GTF3C1: variants seen among roughly 807,000 people sequenced by gnomAD.
The protein encoded by GTF3C1 is general transcription factor IIIC subunit 1.
In GTF3C1, 57 loss-of-function variants were observed where a neutral mutation model predicts 226.7. The observed-to-expected ratio is 0.25, with a 90% CI of 0.20 to 0.31. GTF3C1 has a LOEUF of 0.31. GTF3C1 is among the 10% of genes least tolerant of loss of function. The pLI is 1.00. For synonymous variants in GTF3C1, 1,090 were observed against 1,084.8 expected, an observed-to-expected ratio of 1.00 and a Z score of -0.09; for missense variants, 2,217 against 2,776.1, an observed-to-expected ratio of 0.80 and a Z score of 4.53.
intron 6 of GTF3C1, among the ~76,000 whole-genome samples, chr16:27,513,210 T>C (rs1450948804): frequency 6.6e-6 from 1 of 152,144 alleles, no homozygotes; most frequent in Non-Finnish European, 1.5e-5. Flanking sequence ...CTCAGCACTT[T>C]GGGAGGCCAA....
chr16:27,467,434 T>C (rs2141344505), intron 32 of GTF3C1, among the ~76,000 whole-genome samples: 1 of 152,376 alleles, frequency 6.6e-6, no homozygotes, highest in East Asian at 1.9e-4. Context: ...GGTATGCTGA[T>C]TCATGATGCC....
rs777337572 is a variant in GTF3C1, at chr16:27,469,251, C to G, written c.5074+40G>C. Reference sequence around the variant, plus strand: ...GCCTCAGGGTCTTCCTGGATGATGGCGAGGCCAGGCCCTCCCACAGCACCA... The same window carrying G: ...GCCTCAGGGTCTTCCTGGATGATGGGGAGGCCAGGCCCTCCCACAGCACCA... On this transcript the variant is annotated intron_variant, in intron 32 of 36. Coordinates refer to ENST00000356183, the MANE Select transcript of GTF3C1 (RefSeq NM_001520.4). The surrounding 1 kb of genome is among the most constrained non-coding windows in gnomAD (Gnocchi z 4.5). 5.3e-6 allele frequency: 8 copies of G among 1,518,672 alleles called. No individual in the cohort carries two copies. The East Asian group carries it at 2.0e-4, about 37-fold the overall frequency. 94.1% of individuals were successfully genotyped at this position (1,518,672 alleles called of 1,614,324 possible). A position where few individuals can be genotyped will look rare whatever the true frequency, so the allele number is the denominator to read the frequency against.
chr16:27,495,741 C>T (rs1471228971), intron 14 of GTF3C1, among the ~76,000 whole-genome samples: 1 of 152,204 alleles, frequency 6.6e-6, no homozygotes, highest in East Asian at 1.9e-4. Context: ...TGCAATTCTA[C>T]AAAAGGAGAG....
intron 6 of GTF3C1, among the ~76,000 whole-genome samples, chr16:27,526,561 T>C (rs2088837044): frequency 6.6e-6 from 1 of 152,248 alleles, no homozygotes; most frequent in African/African-American, 2.4e-5. Flanking sequence ...AGGCACCCAG[T>C]ATCCCCAAGT....
rs923535355 is a variant in GTF3C1 at position 27,463,288 on chromosome 16, T to C, written c.5924+253A>G. 2.5e-5 allele frequency: 13 copies of C among 529,726 alleles called. No homozygotes were observed. Among genetic ancestry groups the C allele is most frequent in the Non-Finnish European group, 4.3e-5 (13 of 300,372 alleles). 32.8% of individuals were successfully genotyped at this position (529,726 alleles called of 1,614,324 possible). The stretch of plus-strand genomic sequence containing the variant: ...CACAGCTGACAGCACCAGGCATGGT[T>C]CTCCACCAGCGCCCTGGGCATTCTG... On this transcript the variant is annotated intron_variant, in intron 35 of 36. Coordinates refer to ENST00000356183, the MANE Select transcript of GTF3C1 (RefSeq NM_001520.4). This position sits in a 1 kb window ranked among gnomAD's most constrained non-coding sequence, Gnocchi z 4.9.
chr16:27,488,548 A>G lies in GTF3C1; in HGVS notation c.3511+6T>C, dbSNP rs2088179043. On this transcript the variant is annotated splice_donor_region_variant and intron_variant, in intron 22 of 36. Transcript: ENST00000356183. ...AACTTCTGGGGTGAACTCCCAGCAC[A>G]CGTACCTCTGGCACTGAGGGGCATT... The G allele has an allele frequency of 6.2e-7, 1 of 1,612,038 alleles. No homozygotes were observed. The highest frequency in any genetic ancestry group is 1.3e-5 in the African/African-American group (1 of 74,876).
intron 29 of GTF3C1, among the ~76,000 whole-genome samples, chr16:27,475,086 T>C (rs978945049): frequency 1.1e-4 from 16 of 152,184 alleles, no homozygotes; most frequent in African/African-American, 3.9e-4. Context: ...CCCCCAGTCC[T>C]CCCTGCCCCG....
rs200275527 is a variant in GTF3C1 at position 27,464,651 on chromosome 16, G to C, written c.5541C>G (p.Pro1847=). 5 of 1,516,946 alleles carry C rather than the reference G, an allele frequency of 3.3e-6. No homozygotes were observed. Among genetic ancestry groups the C allele is most frequent in the African/African-American group, 1.4e-5 (1 of 70,614 alleles). 94.0% of individuals were successfully genotyped at this position (1,516,946 alleles called of 1,614,324 possible). The change falls in exon 34 of 37, where the codon CCC becomes CCG. Residue 1847 remains proline, a synonymous_variant. Coordinates refer to ENST00000356183, the MANE Select transcript of GTF3C1 (RefSeq NM_001520.4). ...LEGSSSEDSP[P]EGQAPPSHSP... is the part of the protein sequence containing the mutation. ...TGTGAGAAGGAGGTGCCTGCCCCTC[G>C]GGGGGGCTGTCCTCACTGGAAGACC...
In GTF3C1 at chr16:27,471,761, G is replaced by GA. The variant is rs773535750; in HGVS notation, c.4512_4513insT (p.Gln1505SerfsTer36). 1 of 1,613,882 alleles carries GA rather than the reference G, an allele frequency of 6.2e-7. No homozygotes were observed. The highest frequency in any genetic ancestry group is 2.2e-5 in the East Asian group (1 of 44,890). On this transcript the variant is annotated frameshift_variant, in exon 30 of 37. Coordinates refer to ENST00000356183, the MANE Select transcript of GTF3C1 (RefSeq NM_001520.4). LOFTEE classifies it high-confidence loss of function. The surrounding 1 kb of genome is among the most constrained non-coding windows in gnomAD (Gnocchi z 5.0). ...ACAGGTACTCACCTGTAGTAGGTCT[G>GA]GGATAGCTGGTAGGACATTGGCACG...
In GTF3C1 at chr16:27,508,526, G is replaced by T. The variant is rs750472075; in HGVS notation, c.1242+14C>A. On this transcript the variant is annotated intron_variant, in intron 8 of 36. Transcript: ENST00000356183. Reference sequence around the variant, plus strand: ...CAAAGACAACGAGTGTTGGGGGAAGGCTCATGATGTTACCTTGACAACTTT... The same window carrying T: ...CAAAGACAACGAGTGTTGGGGGAAGTCTCATGATGTTACCTTGACAACTTT... The T allele has an allele frequency of 3.8e-6, 6 of 1,570,112 alleles. No individual in the cohort carries two copies. The South Asian group carries it at 6.7e-5, about 17-fold the overall frequency.
intron 2 of GTF3C1, among the ~76,000 whole-genome samples, chr16:27,541,326 G>A (rs932183359): frequency 2.7e-4 from 41 of 152,218 alleles, no homozygotes; most frequent in African/African-American, 7.7e-4. Context: ...AGGAAAGCTC[G>A]AGAGGCCAGC....
rs1166781671 is a variant in GTF3C1 at position 27,470,188 on chromosome 16, G to A, written c.4734C>T (p.Gly1578=). The A allele has an allele frequency of 5.6e-6, 9 of 1,613,300 alleles. No homozygotes were observed. The highest frequency in any genetic ancestry group is 7.6e-6 in the Non-Finnish European group (9 of 1,179,320). The change falls in exon 31 of 37, where the codon GGC becomes GGT. Residue 1578 remains glycine, a synonymous_variant. Transcript: ENST00000356183. This position sits in a 1 kb window ranked among gnomAD's most constrained non-coding sequence, Gnocchi z 4.9. ...GGATCCTGACATCCACAGAAATGAG[G>A]CCCAGAGAGAAGAGGGTCAGGACGG... ...CVAVLTLFSL[G]LISVDVRIPE...
At chr16:27,548,920 G>C (rs964988240) in intron 1 of GTF3C1, among the ~76,000 whole-genome samples, 2 of 152,204 alleles carry the variant, frequency 1.3e-5, no homozygotes, top group Admixed American at 1.3e-4. Flanking sequence ...TTGGGAGGCC[G>C]AGAGGTGCGG....
chr16:27,509,025 T>C (rs181212327), intron 7 of GTF3C1, among the ~76,000 whole-genome samples: 11 of 152,322 alleles, frequency 7.2e-5, no homozygotes, highest in East Asian at 5.8e-4. Context: ...ATCAATGAAA[T>C]TGACCTCTTT....
At chr16:27,546,938 TG>T (rs1276171164) in intron 1 of GTF3C1, among the ~76,000 whole-genome samples, 1 of 152,124 alleles carries the variant, frequency 6.6e-6, no homozygotes, top group African/African-American at 2.4e-5. Context: ...AGCTAATTTT[TG>T]TATTTTTAGT....
In GTF3C1 at chr16:27,537,792, A is replaced by T. The variant is rs1382559947; in HGVS notation, c.744T>A (p.His248Gln). 1 of 1,611,438 alleles carries T rather than the reference A, an allele frequency of 6.2e-7. No individual in the cohort carries two copies. Among genetic ancestry groups the T allele is most frequent in the Admixed American group, 1.7e-5 (1 of 59,892 alleles). The change falls in exon 4 of 37, where the codon CAT (histidine) becomes CAA (glutamine). Residue 248 changes from histidine (H) to glutamine (Q), a missense_variant. Physicochemically the swap from His to Gln is conservative, Grantham distance 24. Coordinates refer to ENST00000356183, the MANE Select transcript of GTF3C1 (RefSeq NM_001520.4). ...HSILLLLNRFHVDRRSKYDIL... is the reference protein window; with the variant it reads ...HSILLLLNRFQVDRRSKYDIL... ...GTCACTACAAACCATACCTGTCCAC[A>T]TGAAACCGGTTCAGTAGGAGGAGGA...
intron 4 of GTF3C1, among the ~76,000 whole-genome samples, chr16:27,533,807 G>A (rs534833710): frequency 7.9e-5 from 12 of 152,250 alleles, no homozygotes; most frequent in Admixed American, 3.3e-4. Flanking sequence ...GGAGTTCGAG[G>A]CCAGCCTGGC....
chr16:27,480,419 A>G (rs575533968), intron 27 of GTF3C1, among the ~76,000 whole-genome samples: 1 of 152,288 alleles, frequency 6.6e-6, no homozygotes, highest in South Asian at 2.1e-4. Flanking sequence ...AGGCATGGCA[A>G]TACAGTGGGT....
At chr16:27,542,265 T>C (rs1389852830) in intron 2 of GTF3C1, among the ~76,000 whole-genome samples, 1 of 152,092 alleles carries the variant, frequency 6.6e-6, no homozygotes, top group African/African-American at 2.4e-5. Context: ...CATGTTGAAG[T>C]TTAACTACCA....
Sources: gnomAD v4.1 joint callset for allele counts (sites outside exome capture counted in the v4.1 genomes callset) on GRCh38, gnomAD v4.1.1 for gene constraint, Gnocchi (gnomAD v3.1) non-coding constraint, MANE v1.5 for transcripts, NCBI Gene and HGNC (gene_info 2026-07-23, HGNC 2026-07-21) for gene names.